Variants in PAK2 observed in about 807,000 individuals in gnomAD.
PAK2 encodes p21 (RAC1) activated kinase 2.
PAK2 carries 21 observed loss-of-function variants against 65.9 expected under a neutral mutation model. The ratio of observed to expected loss-of-function variants is 0.32; its 90% CI spans 0.23 to 0.46. PAK2 has a LOEUF of 0.46. PAK2 is among the 20% of genes least tolerant of loss of function. The pLI is 1.00. For missense variants in PAK2, 324 were observed against 642.6 expected (o/e 0.50, Z 5.36); for synonymous variants, 204 against 219.7 (o/e 0.93, Z 0.63).
At chr3:196,767,677 G>A (rs1205150237) in intron 1 of PAK2, among the ~76,000 whole-genome samples, 1 of 151,972 alleles carries the variant, frequency 6.6e-6, no homozygotes, top group African/African-American at 2.4e-5. Flanking sequence ...TGTGCTTTTA[G>A]TAGAGACGGG....
chr3:196,825,376 G>A (rs1369427036), intron 13 of PAK2, among the ~76,000 whole-genome samples: 1 of 149,680 alleles, frequency 6.7e-6, no homozygotes, highest in African/African-American at 2.5e-5. Flanking sequence ...AGATGCAGTG[G>A]CTCACACCTG....
chr3:196,765,903 C>CT (rs746435799), intron 1 of PAK2, among the ~76,000 whole-genome samples: 10,016 of 140,408 alleles, frequency 0.071, 588 homozygotes, highest in African/African-American at 0.17. Context: ...TTAGTATCTT[C>CT]TTTTTTTTTT....
intron 1 of PAK2, among the ~76,000 whole-genome samples, chr3:196,763,974 T>C (rs1714072075): frequency 6.6e-6 from 1 of 150,812 alleles, no homozygotes; most frequent in Non-Finnish European, 1.5e-5. Flanking sequence ...ATTTTTTTTT[T>C]TTTTTGTATT....
intron 1 of PAK2, among the ~76,000 whole-genome samples, chr3:196,751,384 A>C (rs1474927294): frequency 1.3e-5 from 2 of 151,558 alleles, no homozygotes; most frequent in Non-Finnish European, 2.9e-5. Context: ...ATAGTGGCTC[A>C]CTCCTGTAAT....
intron 2 of PAK2, among the ~76,000 whole-genome samples, chr3:196,785,632 ACTAT>A (rs775172670): frequency 2.0e-5 from 3 of 152,182 alleles, no homozygotes; most frequent in Non-Finnish European, 4.4e-5. Context: ...ATATCTGTTC[ACTAT>A]CTATATTAGT....
At chr3:196,785,383 G>C (rs190823148) in intron 2 of PAK2, among the ~76,000 whole-genome samples, 1 of 152,248 alleles carries the variant, frequency 6.6e-6, no homozygotes, top group East Asian at 1.9e-4. Context: ...GGCTGTTCCC[G>C]TGTGTGACTT....
Position 196,777,486 on chromosome 3 carries a change from G to A in PAK2, c.-21-5140G>A, listed in dbSNP as rs538382903. ...CCCAAAGTGCTGAGATTACAGGCGC[G>A]AGCCAACATGCCCAGCCAAAAACTT... On this transcript the variant is annotated intron_variant, in intron 1 of 14. Transcript: ENST00000327134. 2.5e-4 allele frequency among the ~76,000 whole-genome samples: 38 copies of A among 152,242 alleles called. No individual in the cohort carries two copies. The South Asian group carries it at 5.2e-3, about 21-fold the overall frequency.
At chr3:196,817,197 C>G (rs1275450418) in intron 11 of PAK2, among the ~76,000 whole-genome samples, 1 of 112,550 alleles carries the variant, frequency 8.9e-6, no homozygotes, top group Non-Finnish European at 1.7e-5. Context: ...CTGAGTCTTG[C>G]TCTGTCGCCC....
At chr3:196,814,248 G>A (rs373142310) in intron 10 of PAK2, among the ~76,000 whole-genome samples, 3 of 152,272 alleles carry the variant, frequency 2.0e-5, no homozygotes, top group African/African-American at 7.2e-5. Context: ...TGGGCAAACT[G>A]TAACTTTAAA....
At chr3:196,796,882 A>G (rs186611520) in intron 2 of PAK2, among the ~76,000 whole-genome samples, 1 of 152,348 alleles carries the variant, frequency 6.6e-6, no homozygotes, top group Non-Finnish European at 1.5e-5. Flanking sequence ...GTTCATTAAG[A>G]TGATATAATA....
chr3:196,818,825 T>A (rs1443418049), intron 12 of PAK2, among the ~76,000 whole-genome samples: 1 of 152,160 alleles, frequency 6.6e-6, no homozygotes, highest in African/African-American at 2.4e-5. Context: ...TGCCTCAGTA[T>A]TCCTATTTGT....
Position 196,820,350 on chromosome 3 carries a change from C to T in PAK2, c.1154-21C>T. 1 of 1,493,536 alleles carries T rather than the reference C, an allele frequency of 6.7e-7. No individual in the cohort carries two copies. Among genetic ancestry groups the T allele is most frequent in the Non-Finnish European group, 9.1e-7 (1 of 1,103,314 alleles). The allele number at this position is 1,493,536 out of a possible 1,614,324, so 92.5% of individuals were successfully genotyped here. A position where few individuals can be genotyped will look rare whatever the true frequency, so the allele number is the denominator to read the frequency against. On this transcript the variant is annotated intron_variant, in intron 12 of 14. Transcript: ENST00000327134. This position sits in a 1 kb window ranked among gnomAD's most constrained non-coding sequence, Gnocchi z 4.6. ...AAACCATCCATGGAAGCCATTAACT[C>T]TGTTTTGTTTTGTTTTGTAGCTGAC...
At chr3:196,816,337 G>A (rs1249315205) in intron 11 of PAK2, among the ~76,000 whole-genome samples, 1 of 152,030 alleles carries the variant, frequency 6.6e-6, no homozygotes, top group East Asian at 1.9e-4. Context: ...TTGGTAGAAG[G>A]GAGGAAATAA....
intron 1 of PAK2, among the ~76,000 whole-genome samples, chr3:196,777,138 A>G (rs1714561206): frequency 6.6e-6 from 1 of 152,208 alleles, no homozygotes; most frequent in Non-Finnish European, 1.5e-5. Context: ...TTTCATAAAA[A>G]TGTATGACAT....
intron 2 of PAK2, among the ~76,000 whole-genome samples, chr3:196,785,724 T>G (rs539768735): frequency 7.7e-4 from 117 of 152,286 alleles, no homozygotes; most frequent in African/African-American, 2.8e-3. Context: ...GGACTTACAG[T>G]TTCACATGGC....
At chr3:196,766,137 C>T (rs1005003627) in intron 1 of PAK2, among the ~76,000 whole-genome samples, 9 of 151,926 alleles carry the variant, frequency 5.9e-5, no homozygotes, top group South Asian at 2.1e-4. Context: ...TCTCATGATC[C>T]GCCCGCCTCG....
At chr3:196,769,809 T>A (rs1314996930) in intron 1 of PAK2, among the ~76,000 whole-genome samples, 1 of 151,182 alleles carries the variant, frequency 6.6e-6, no homozygotes, top group Admixed American at 6.6e-5. Context: ...AGAGCGAGAC[T>A]CTGTCTCAAA....
At position 196,809,273 on chromosome 3, in the gene PAK2, C is replaced by T. The variant is rs144350474; in HGVS notation, c.710-1317C>T. 1.9e-4 allele frequency among the ~76,000 whole-genome samples: 29 copies of T among 150,152 alleles called. No homozygotes were observed. In the East Asian group the frequency reaches 5.5e-3, roughly 28 times the overall value. On this transcript the variant is annotated intron_variant, in intron 7 of 14. Coordinates refer to ENST00000327134, the MANE Select transcript of PAK2 (RefSeq NM_002577.4). ...TAAAAAATAAACAAATGTTTATATG[C>T]CCCATGTTTATTTGGTTTTGATTTC...
At chr3:196,742,315 C>A (rs919618133) in intron 1 of PAK2, among the ~76,000 whole-genome samples, 1 of 151,992 alleles carries the variant, frequency 6.6e-6, no homozygotes, top group Non-Finnish European at 1.5e-5. Context: ...CTCGAACTCC[C>A]GACCTCAGGT....
Sources: allele counts gnomAD v4.1 joint callset (sites outside exome capture counted in the v4.1 genomes callset), GRCh38; gene constraint gnomAD v4.1.1; non-coding constraint Gnocchi (gnomAD v3.1); transcripts MANE v1.5; gene names NCBI Gene and HGNC (gene_info 2026-07-23, HGNC 2026-07-21).